Variants in ANO2 observed in about 807,000 individuals in gnomAD.
ANO2 encodes the protein anoctamin 2.
Under a neutral mutation model 124.2 loss-of-function variants are expected in ANO2, and 101 were observed. The observed-to-expected ratio is 0.81, with a 90% CI of 0.69 to 0.96. The LOEUF is 0.96. Among genes scored for constraint, ANO2 ranks in the 40% least tolerant of loss-of-function variants. The probability of loss-of-function intolerance (pLI) is 0.00; values close to 1 mark genes in which losing one functional copy is unlikely to be tolerated. For missense variants in ANO2, 1,293 were observed against 1,274.5 expected (o/e 1.01, Z -0.22); for synonymous variants, 486 against 482.5 (o/e 1.01, Z -0.09).
chr12:5,796,845 C>T (rs1419694422), intron 10 of ANO2, among the ~76,000 whole-genome samples: 1 of 152,150 alleles, frequency 6.6e-6, no homozygotes, highest in Non-Finnish European at 1.5e-5. Flanking sequence ...AGTTCCGGGG[C>T]CTTCCACATA....
At chr12:5,696,607 A>G (rs12812295) in intron 14 of ANO2, among the ~76,000 whole-genome samples, 7,710 of 152,258 alleles carry the variant, frequency 0.051, 310 homozygotes, top group Non-Finnish European at 0.077. Context: ...AAGAAGGAGC[A>G]CTCCAAACTC....
At chr12:5,565,152 T>A (rs1287531242) in intron 24 of ANO2, among the ~76,000 whole-genome samples, 3 of 151,950 alleles carry the variant, frequency 2.0e-5, no homozygotes, top group African/African-American at 7.3e-5. Flanking sequence ...GAGCCCAGAG[T>A]GCAAGAAGAA....
intron 14 of ANO2, among the ~76,000 whole-genome samples, chr12:5,681,429 C>T (rs417664): frequency 0.5 from 76,124 of 151,918 alleles, 21,086 homozygotes; most frequent in African/African-American, 0.76. Context: ...CAAGGTGCAG[C>T]CAATATCCCA....
chr12:5,872,445 C>A (rs533081602), intron 3 of ANO2, among the ~76,000 whole-genome samples: 2 of 152,216 alleles, frequency 1.3e-5, no homozygotes, highest in Admixed American at 6.5e-5. Context: ...CTGACCCCAC[C>A]CAGCTCTACT....
intron 16 of ANO2, among the ~76,000 whole-genome samples, chr12:5,618,928 A>G (rs746916352): frequency 4.6e-5 from 7 of 152,216 alleles, no homozygotes; most frequent in Non-Finnish European, 1.0e-4. Context: ...CTGCATTGCC[A>G]TGTTCCAGTT....
intron 19 of ANO2, among the ~76,000 whole-genome samples, chr12:5,610,983 T>TTTTTTTTTGCTTTTTTTTTTG (rs1555100751): frequency 0.063 from 7,576 of 120,980 alleles, 673 homozygotes; most frequent in Non-Finnish European, 0.095. Context: ...TTTTTTTTTT[T>TTTTTTTTTGCTTTTTTTTTTG]TTTTTTGAGA....
intron 6 of ANO2, among the ~76,000 whole-genome samples, chr12:5,829,193 T>G (rs950191785): frequency 1.2e-4 from 19 of 152,214 alleles, no homozygotes; most frequent in African/African-American, 4.6e-4. Flanking sequence ...GGAACAGCAC[T>G]TATATGGCAT....
At chr12:5,721,581 C>T (rs1007958813) in intron 14 of ANO2, among the ~76,000 whole-genome samples, 6 of 151,876 alleles carry the variant, frequency 4.0e-5, no homozygotes, top group Non-Finnish European at 7.4e-5. Context: ...TCACAGCTAA[C>T]TGCTGCCTCT....
At chr12:5,675,703 G>A (rs550285606) in intron 14 of ANO2, among the ~76,000 whole-genome samples, 1 of 152,274 alleles carries the variant, frequency 6.6e-6, no homozygotes, top group African/African-American at 2.4e-5. Flanking sequence ...CAGGAGATGT[G>A]CTTCCAAGAC....
intron 16 of ANO2, among the ~76,000 whole-genome samples, chr12:5,617,950 C>T (rs1007135490): frequency 5.9e-5 from 9 of 152,126 alleles, no homozygotes; most frequent in African/African-American, 1.4e-4. Flanking sequence ...CTCCCTAAGG[C>T]GAGGATTTAG....
At chr12:5,839,587 G>A (rs1393631787) in intron 4 of ANO2, 1 of 456,030 alleles carries the variant, frequency 2.2e-6, no homozygotes. Context: ...CATGGCACAA[G>A]CATCTCTGGG....
At chr12:5,729,868 A>T (rs928689716) in intron 14 of ANO2, among the ~76,000 whole-genome samples, 1 of 152,226 alleles carries the variant, frequency 6.6e-6, no homozygotes, top group Admixed American at 6.5e-5. Flanking sequence ...AATATGAATG[A>T]ATCCTAAAAA....
At chr12:5,921,499 G>A in intron 2 of ANO2, 133 bp from the exon 3 acceptor site, 1 of 855,860 alleles carries the variant, frequency 1.2e-6, no homozygotes, top group Non-Finnish European at 1.8e-6. Context: ...GGCCCCCAGT[G>A]CCCCCAGTAA....
intron 3 of ANO2, among the ~76,000 whole-genome samples, chr12:5,897,456 A>G (rs1198283084): frequency 6.6e-6 from 1 of 152,362 alleles, no homozygotes; most frequent in Non-Finnish European, 1.5e-5. Flanking sequence ...TGACAGGTAA[A>G]GAAATGGGCA....
At chr12:5,694,253 G>GAC (rs1375171806) in intron 14 of ANO2, among the ~76,000 whole-genome samples, 4 of 148,188 alleles carry the variant, frequency 2.7e-5, no homozygotes, top group Non-Finnish European at 6.0e-5. Flanking sequence ...ACCAGAGACA[G>GAC]AGAGAGAGAG....
chr12:5,835,236 A>C (rs1954280278), intron 4 of ANO2, among the ~76,000 whole-genome samples: 2 of 152,190 alleles, frequency 1.3e-5, no homozygotes, highest in African/African-American at 4.8e-5. Flanking sequence ...TGCTTGGACA[A>C]AGGGGTTCTG....
At chr12:5,704,949 A>T (rs1057244144) in intron 14 of ANO2, among the ~76,000 whole-genome samples, 3 of 152,198 alleles carry the variant, frequency 2.0e-5, no homozygotes, top group African/African-American at 7.2e-5. Flanking sequence ...TGATATATCA[A>T]TTGTCTGTCA....
chr12:5,694,615 A>G (rs752132006), intron 14 of ANO2, among the ~76,000 whole-genome samples: 9 of 152,184 alleles, frequency 5.9e-5, no homozygotes, highest in African/African-American at 9.7e-5. Context: ...GGGTAGCCTG[A>G]GAGTAGTTCT....
intron 14 of ANO2, among the ~76,000 whole-genome samples, chr12:5,701,017 C>G (rs1949380105): frequency 7.9e-6 from 1 of 126,010 alleles, no homozygotes; most frequent in Admixed American, 7.9e-5. Context: ...CAAATCCATC[C>G]GTCCAACACT....
Sources: gnomAD v4.1 joint callset for allele counts (sites outside exome capture counted in the v4.1 genomes callset) on GRCh38, gnomAD v4.1.1 for gene constraint, MANE v1.5 for transcripts, NCBI Gene and HGNC (gene_info 2026-07-23, HGNC 2026-07-21) for gene names.